The following CRYL1 variants were observed in gnomAD, a reference collection of about 807,000 sequenced individuals.
CRYL1 encodes crystallin lambda 1, also known as lambda-crystallin homolog.
Under a neutral mutation model 36.6 loss-of-function variants are expected in CRYL1, and 29 were observed. That is an observed-to-expected ratio of 0.79 (90% CI 0.59 to 1.08). The LOEUF (loss-of-function observed/expected upper bound fraction) is 1.08, where lower values mean the gene tolerates loss of function less well. Ranked by LOEUF, CRYL1 falls within the 50% of genes least tolerant of loss-of-function variation. The pLI, the probability that CRYL1 is intolerant of heterozygous loss-of-function variation, is 0.00. For synonymous variants in CRYL1, 152 were observed against 151.5 expected, an observed-to-expected ratio of 1.00 and a Z score of -0.02; for missense variants, 411 against 407.9, an observed-to-expected ratio of 1.01 and a Z score of -0.06.
rs578208302 is a variant in CRYL1, at chr13:20,432,135, A to G, written c.600T>C (p.Tyr200=). Reference sequence around the variant, plus strand: ...GCCGCCAGGCCTCGCTGATGATTGCATATTGCAGGCGGTTCAGAACGAAGC... The same window carrying G: ...GCCGCCAGGCCTCGCTGATGATTGCGTATTGCAGGCGGTTCAGAACGAAGC... ...VAGFVLNRLQ[Y]AIISEAWRLV... The change falls in exon 5 of 8, where the codon TAT becomes TAC. Residue 200 remains tyrosine (Y), a synonymous_variant. Transcript: ENST00000298248. The G allele has an allele frequency of 2.5e-6, 4 of 1,614,122 alleles. No individual in the cohort carries two copies. The East Asian group carries it at 6.7e-5, about 27-fold the overall frequency.
intron 5 of CRYL1, among the ~76,000 whole-genome samples, chr13:20,423,466 T>C (rs2137378558): frequency 6.6e-6 from 1 of 152,320 alleles, no homozygotes; most frequent in South Asian, 2.1e-4. Flanking sequence ...AGAGTTTTAT[T>C]ATAAAATGAT....
intron 1 of CRYL1, among the ~76,000 whole-genome samples, chr13:20,513,280 A>G (rs1049664042): frequency 6.6e-6 from 1 of 152,150 alleles, no homozygotes; most frequent in African/African-American, 2.4e-5. Context: ...TGGAGACACA[A>G]GACCCGTTAG....
At chr13:20,489,625 TA>T (rs1232333569) in intron 2 of CRYL1, 129 bp from the exon 3 acceptor site, 12 of 1,064,204 alleles carry the variant, frequency 1.1e-5, no homozygotes, top group African/African-American at 1.6e-5. Context: ...TCACACCCAT[TA>T]GGGGCTACCA....
intron 3 of CRYL1, among the ~76,000 whole-genome samples, chr13:20,460,689 C>A (rs1275484336): frequency 1.3e-5 from 2 of 151,944 alleles, no homozygotes; most frequent in South Asian, 2.1e-4. Context: ...CTACGCCCGG[C>A]TAATTTTTTG....
At chr13:20,421,358 G>A (rs1593432953) in intron 5 of CRYL1, among the ~76,000 whole-genome samples, 1 of 152,054 alleles carries the variant, frequency 6.6e-6, no homozygotes, top group East Asian at 1.9e-4. Flanking sequence ...GGGTCCTCTG[G>A]GAATACAGTT....
intron 4 of CRYL1, 70 bp downstream of exon 4, chr13:20,439,523 A>G (rs2032306113): frequency 6.1e-6 from 6 of 987,788 alleles, no homozygotes; most frequent in South Asian, 3.8e-5. Context: ...GCAAAAAAAA[A>G]AAAAAAAGAA....
chr13:20,505,673 C>T (rs138035981), intron 2 of CRYL1, among the ~76,000 whole-genome samples: 4 of 152,252 alleles, frequency 2.6e-5, no homozygotes, highest in East Asian at 1.9e-4. Context: ...AGGGAGCCCA[C>T]GACCTACAGT....
At chr13:20,490,815 C>G (rs2033496811) in intron 2 of CRYL1, among the ~76,000 whole-genome samples, 1 of 152,120 alleles carries the variant, frequency 6.6e-6, no homozygotes, top group Admixed American at 6.5e-5. Flanking sequence ...TCAGAAGGGC[C>G]TGTGCTGGGT....
At chr13:20,455,902 A>G (rs1233528389) in intron 3 of CRYL1, among the ~76,000 whole-genome samples, 1 of 152,244 alleles carries the variant, frequency 6.6e-6, no homozygotes, top group Non-Finnish European at 1.5e-5. Flanking sequence ...CACATGGATC[A>G]ATATTATATA....
chr13:20,489,324 C>A (rs2137472465), intron 3 of CRYL1, 46 bp downstream of exon 3: 1 of 1,607,968 alleles, frequency 6.2e-7, no homozygotes, highest in Middle Eastern at 1.8e-4. Flanking sequence ...GGCTGGGAGA[C>A]AATGTCTCAG....
At chr13:20,496,216 CAGAA>C (rs2033602467) in intron 2 of CRYL1, among the ~76,000 whole-genome samples, 1 of 152,166 alleles carries the variant, frequency 6.6e-6, no homozygotes, top group Admixed American at 6.5e-5. Flanking sequence ...CTCACAGTGA[CAGAA>C]AGTAGAATGG....
At chr13:20,420,328 G>C (rs1434910403) in intron 5 of CRYL1, among the ~76,000 whole-genome samples, 5 of 152,176 alleles carry the variant, frequency 3.3e-5, no homozygotes, top group Non-Finnish European at 7.3e-5. Flanking sequence ...GCTGCCGGAG[G>C]AGAGGCGGGT....
chr13:20,414,414 C>T (rs185635326), intron 5 of CRYL1, among the ~76,000 whole-genome samples: 137 of 152,104 alleles, frequency 9.0e-4, no homozygotes, highest in Non-Finnish European at 1.7e-3. Flanking sequence ...GTGAGAGAAG[C>T]TGACGACAAG....
At chr13:20,456,095 C>A (rs1380950827) in intron 3 of CRYL1, among the ~76,000 whole-genome samples, 1 of 152,126 alleles carries the variant, frequency 6.6e-6, no homozygotes, top group East Asian at 1.9e-4. Flanking sequence ...TCAGGTGGAT[C>A]ATAGCCATAC....
At chr13:20,467,946 G>A (rs2032975775) in intron 3 of CRYL1, among the ~76,000 whole-genome samples, 1 of 152,166 alleles carries the variant, frequency 6.6e-6, no homozygotes, top group South Asian at 2.1e-4. Context: ...TCTCACAGGA[G>A]CGCAAACCCT....
intron 3 of CRYL1, among the ~76,000 whole-genome samples, chr13:20,459,020 G>A (rs1376708309): frequency 6.6e-6 from 1 of 152,092 alleles, no homozygotes; most frequent in Non-Finnish European, 1.5e-5. Flanking sequence ...CGGATCACAA[G>A]GTCAGGAGAT....
chr13:20,462,459 CTTGCCAGTGTGAATAT>C (rs2032851031), intron 3 of CRYL1, among the ~76,000 whole-genome samples: 1 of 149,130 alleles, frequency 6.7e-6, no homozygotes, highest in African/African-American at 2.5e-5. Flanking sequence ...TTTTAATTGA[CTTGCCAGTGTGAATAT>C]TTTCTTGGCA....
intron 3 of CRYL1, among the ~76,000 whole-genome samples, chr13:20,478,315 G>C (rs1281436597): frequency 1.3e-5 from 2 of 151,946 alleles, no homozygotes; most frequent in East Asian, 3.8e-4. Flanking sequence ...TTTTGACTTT[G>C]GGCATTAATT....
intron 6 of CRYL1, among the ~76,000 whole-genome samples, chr13:20,406,876 T>C (rs990412432): frequency 6.6e-6 from 1 of 151,532 alleles, no homozygotes; most frequent in African/African-American, 2.4e-5. Flanking sequence ...CATCTCCCTC[T>C]CCTACCAGAG....
Sources: allele counts gnomAD v4.1 joint callset (sites outside exome capture counted in the v4.1 genomes callset), GRCh38; gene constraint gnomAD v4.1.1; transcripts MANE v1.5; gene names NCBI Gene and HGNC (gene_info 2026-07-23, HGNC 2026-07-21).